The following DHX36 variants were observed in gnomAD, a reference collection of about 807,000 sequenced individuals.
DHX36 encodes the protein DEAH-box helicase 36, also known as ATP-dependent DNA/RNA helicase DHX36.
DHX36 carries 50 observed loss-of-function variants against 139.0 expected under a neutral mutation model. The observed-to-expected ratio is 0.36, with a 90% CI of 0.29 to 0.46. DHX36 has a LOEUF of 0.46. Among genes scored for constraint, DHX36 ranks in the 20% least tolerant of loss-of-function variants. DHX36 has a pLI of 1.00. For synonymous variants in DHX36, 425 were observed against 401.9 expected, an observed-to-expected ratio of 1.06 and a Z score of -0.69; for missense variants, 1,024 against 1,211.3, an observed-to-expected ratio of 0.85 and a Z score of 2.29.
chr3:154,323,006 G>C (rs756688604), intron 1 of DHX36, among the ~76,000 whole-genome samples: 1 of 152,098 alleles, frequency 6.6e-6, no homozygotes, highest in Non-Finnish European at 1.5e-5. Context: ...ACATGACATG[G>C]TTAAAAGAAA....
Position 154,274,270 on chromosome 3 carries a change from T to G in DHX36, c.*1901A>C, listed in dbSNP as rs1719080868. 1 of 164,634 alleles carries G rather than the reference T, an allele frequency of 6.1e-6. No homozygotes were observed. The highest frequency in any genetic ancestry group is 1.3e-5 in the Non-Finnish European group (1 of 77,104). The allele number at this position is 164,634 out of a possible 1,614,324, so 10.2% of individuals were successfully genotyped here. ...CTGCAGTGAACCAAGATCACACCAC[T>G]GCACTCCAGCCTGGGTGACAGGGCA... On this transcript the variant is annotated 3_prime_UTR_variant, in exon 25 of 25. Transcript: ENST00000496811.
chr3:154,285,908 C>T (rs1207264519), intron 17 of DHX36, among the ~76,000 whole-genome samples: 2 of 151,136 alleles, frequency 1.3e-5, no homozygotes, highest in Non-Finnish European at 2.9e-5. Context: ...CTTACAAGGA[C>T]ATCTGAAGAA....
At chr3:154,303,298 T>C in intron 9 of DHX36, 31 bp downstream of exon 9, 1 of 1,471,324 alleles carries the variant, frequency 6.8e-7, no homozygotes, top group Non-Finnish European at 9.4e-7. Context: ...TAGTACTTTT[T>C]AATGTTTTTT....
Position 154,300,886 on chromosome 3 carries a change from C to T in DHX36, c.1358+101G>A, listed in dbSNP as rs548706331. On this transcript the variant is annotated intron_variant, in intron 10 of 24. Coordinates refer to ENST00000496811, the MANE Select transcript of DHX36 (RefSeq NM_020865.3). ...TAGCTCGAATAAGAGACTCACAATGCTCTCCTTTAAGTACGTACAGATTCA... is the reference window on the plus strand; with the variant it reads ...TAGCTCGAATAAGAGACTCACAATGTTCTCCTTTAAGTACGTACAGATTCA... 19 of 1,494,344 alleles carry T rather than the reference C, an allele frequency of 1.3e-5. No individual in the cohort carries two copies. The East Asian group carries it at 1.6e-4, about 12-fold the overall frequency. 92.6% of individuals were successfully genotyped at this position (1,494,344 alleles called of 1,614,324 possible).
At chr3:154,277,499 C>CAA in intron 23 of DHX36, 99 bp downstream of exon 23, 1 of 1,162,808 alleles carries the variant, frequency 8.6e-7, no homozygotes, top group Non-Finnish European at 1.1e-6. Context: ...TAAGACACAA[C>CAA]AAAAAAAAAA....
At chr3:154,316,802 GAA>G (rs752514618) in intron 1 of DHX36, among the ~76,000 whole-genome samples, 16 of 133,176 alleles carry the variant, frequency 1.2e-4, no homozygotes, top group Admixed American at 1.5e-4. Flanking sequence ...TGTCCAAGGT[GAA>G]AAAAAAAAAA....
chr3:154,273,341 G>A lies in DHX36; in HGVS notation c.*2830C>T, dbSNP rs1719051714. ...AATAACTGCTTTAATCTCTGTGAAT[G>A]CCTCATCAATTAAATAATTCCTCAG... On this transcript the variant is annotated 3_prime_UTR_variant, in exon 25 of 25. Transcript: ENST00000496811. The A allele has an allele frequency of 6.6e-6, 1 of 152,142 alleles. No homozygotes were observed. The highest frequency in any genetic ancestry group is 2.4e-5 in the African/African-American group (1 of 41,416). 9.4% of individuals were successfully genotyped at this position (152,142 alleles called of 1,614,324 possible).
intron 9 of DHX36, 60 bp downstream of exon 9, chr3:154,303,269 C>T (rs2108353830): frequency 4.1e-6 from 5 of 1,227,298 alleles, no homozygotes; most frequent in South Asian, 1.4e-5. Flanking sequence ...TAAAGTTTGA[C>T]ATGAGAAAAG....
rs999607533 is a variant in DHX36, at chr3:154,309,959, T to C, written c.643-136A>G. The stretch of plus-strand genomic sequence containing the variant: ...GCTTTCTAAATTTTGCCATATCCAA[T>C]ACTGGCAGTTTGGATATCTGGATCT... On this transcript the variant is annotated intron_variant, in intron 4 of 24. Coordinates refer to ENST00000496811, the MANE Select transcript of DHX36 (RefSeq NM_020865.3). The C allele has an allele frequency of 2.6e-5, 17 of 656,258 alleles. No homozygotes were observed. In the African/African-American group the frequency reaches 3.0e-4, roughly 12 times the overall value. The allele number at this position is 656,258 out of a possible 1,614,324, so 40.7% of individuals were successfully genotyped here.
intron 12 of DHX36, among the ~76,000 whole-genome samples, chr3:154,295,881 C>T (rs1712028505): frequency 6.6e-6 from 1 of 152,158 alleles, no homozygotes; most frequent in South Asian, 2.1e-4. Context: ...GATCCTCCCA[C>T]CTCAGCCTCC....
At chr3:154,293,612 C>G (rs1711912105) in intron 14 of DHX36, 136 bp downstream of exon 14, 2 of 603,168 alleles carry the variant, frequency 3.3e-6, no homozygotes, top group South Asian at 5.7e-5. Flanking sequence ...AAACTATGCT[C>G]ACTGCCATAA....
intron 23 of DHX36, among the ~76,000 whole-genome samples, chr3:154,277,176 G>T (rs1476218181): frequency 6.6e-6 from 1 of 152,092 alleles, no homozygotes; most frequent in Non-Finnish European, 1.5e-5. Context: ...TGTTGCCGAA[G>T]TTATTTTTAT....
At chr3:154,323,584 T>C (rs1713279492) in intron 1 of DHX36, among the ~76,000 whole-genome samples, 1 of 152,094 alleles carries the variant, frequency 6.6e-6, no homozygotes, top group African/African-American at 2.4e-5. Flanking sequence ...TCTCTGGAGA[T>C]TCCTTTCATT....
At chr3:154,305,057 G>A (rs1482264132) in intron 7 of DHX36, 37 bp downstream of exon 7, 1 of 1,591,870 alleles carries the variant, frequency 6.3e-7, no homozygotes, top group Non-Finnish European at 8.5e-7. Flanking sequence ...TACATCTTTT[G>A]ATAACACTTA....
intron 3 of DHX36, chr3:154,311,907 G>C (rs1468536736): frequency 5.0e-6 from 2 of 396,310 alleles, no homozygotes; most frequent in Non-Finnish European, 8.9e-6. Flanking sequence ...CTTTAAGTCA[G>C]TGGCAGTAAA....
rs1165573845 is a variant in DHX36 at position 154,283,277 on chromosome 3, G to C, written c.2293-6C>G. ...CGCCTAGCCTCTTCCCAGCCCTATG[G>C]GGCAAAGAAATGAAGAAATCTATAT... is the stretch of plus-strand genomic sequence containing the variant. On this transcript the variant is annotated splice_polypyrimidine_tract_variant and splice_region_variant and intron_variant, in intron 19 of 24. Coordinates refer to ENST00000496811, the MANE Select transcript of DHX36 (RefSeq NM_020865.3). 3 of 1,600,346 alleles carry C rather than the reference G, an allele frequency of 1.9e-6. No individual in the cohort carries two copies. Among genetic ancestry groups the C allele is most frequent in the Non-Finnish European group, 2.6e-6 (3 of 1,168,412 alleles).
At chr3:154,279,802 C>T (rs1030865323) in intron 22 of DHX36, 1 of 152,154 alleles carries the variant, frequency 6.6e-6, no homozygotes, top group Non-Finnish European at 1.5e-5. Flanking sequence ...AGTTTAAATA[C>T]TTTACATGTT....
In DHX36 at chr3:154,286,174, A is replaced by AC. The variant is rs1559946787; in HGVS notation, c.2032-1188_2032-1187insG. 9.8e-4 allele frequency among the ~76,000 whole-genome samples: 119 copies of AC among 121,972 alleles called. 1 individual carries two copies. Among genetic ancestry groups the AC allele is most frequent in the Middle Eastern group, 4.3e-3 (1 of 232 alleles). The allele number at this position is 121,972 out of a possible 152,430, so 80.0% of individuals were successfully genotyped here. On this transcript the variant is annotated intron_variant, in intron 17 of 24. Coordinates refer to ENST00000496811, the MANE Select transcript of DHX36 (RefSeq NM_020865.3). ...TAAGAGCTTCCACACACCAAAAAAA[A>AC]AAAAAAAAAAAAAAAAAACACCAAC...
At chr3:154,301,725 C>CTATG (rs1438234210) in intron 9 of DHX36, among the ~76,000 whole-genome samples, 3 of 152,130 alleles carry the variant, frequency 2.0e-5, no homozygotes, top group Non-Finnish European at 4.4e-5. Flanking sequence ...GAGTGCTGTA[C>CTATG]TATGATTCTA....
Sources: allele counts gnomAD v4.1 joint callset (sites outside exome capture counted in the v4.1 genomes callset), GRCh38; gene constraint gnomAD v4.1.1; transcripts MANE v1.5; gene names NCBI Gene and HGNC (gene_info 2026-07-23, HGNC 2026-07-21).